ZCCHC8: variants seen among roughly 807,000 people sequenced by gnomAD.
ZCCHC8 encodes the protein zinc finger CCHC-type containing 8, also known as zinc finger CCHC domain-containing protein 8.
A neutral mutation model predicts 70.6 loss-of-function variants in ZCCHC8; 27 were observed. The ratio of observed to expected loss-of-function variants is 0.38; its 90% CI spans 0.28 to 0.53. The LOEUF (loss-of-function observed/expected upper bound fraction) is 0.53. Among genes scored for constraint, ZCCHC8 ranks in the 20% least tolerant of loss-of-function variants. The pLI, the probability that ZCCHC8 is intolerant of heterozygous loss-of-function variation, is 0.81. For synonymous variants in ZCCHC8, 293 were observed against 317.4 expected (o/e 0.92, Z 0.82); for missense variants, 737 against 876.9 (o/e 0.84, Z 2.01).
chr12:122,486,603 T>A (rs1409802981), intron 5 of ZCCHC8, among the ~76,000 whole-genome samples: 4 of 151,800 alleles, frequency 2.6e-5, no homozygotes, highest in Admixed American at 6.6e-5. Flanking sequence ...AGAGTCTCGC[T>A]CTGTTGCCCA....
intron 2 of ZCCHC8, among the ~76,000 whole-genome samples, chr12:122,493,757 C>T (rs112157824): frequency 3.3e-5 from 5 of 151,810 alleles, no homozygotes; most frequent in South Asian, 2.1e-4. Flanking sequence ...GGACTACAGG[C>T]GCCTGCGACC....
At chr12:122,498,893 A>C (rs766876722) in intron 1 of ZCCHC8, 24 bp from the exon 2 acceptor site, 2 of 1,605,890 alleles carry the variant, frequency 1.2e-6, no homozygotes, top group Non-Finnish European at 1.7e-6. Context: ...AAGGAAGATA[A>C]GCCCTCATTT....
Position 122,471,987 on chromosome 12 carries a change from GTATGTT to G in ZCCHC8, c.*1504_*1509del, listed in dbSNP as rs1049176959. 8.5e-5 allele frequency: 13 copies of G among 152,054 alleles called. No homozygotes were observed. The highest frequency in any genetic ancestry group is 1.3e-4 in the Non-Finnish European group (9 of 68,010). 9.4% of individuals were successfully genotyped at this position (152,054 alleles called of 1,614,324 possible). ...TATATATACCTGACAATTAAAAGCA[GTATGTT>G]TATGTTTAATTTTTAATTTTTAACT... On this transcript the variant is annotated 3_prime_UTR_variant, in exon 14 of 14. Transcript: ENST00000633063.
At chr12:122,487,541 G>GT (rs1957663776) in intron 5 of ZCCHC8, among the ~76,000 whole-genome samples, 1 of 151,638 alleles carries the variant, frequency 6.6e-6, no homozygotes, top group African/African-American at 2.4e-5. Flanking sequence ...CATTTCACTT[G>GT]TTTTTTTTCT....
rs548817084 is a variant in ZCCHC8, at chr12:122,495,740, C to T, written c.243-2951G>A. ...GTGTGCACCTGTAATCCCAGCTGCT[C>T]GGGAGGCTGAGGCAGGAGAATCACT... On this transcript the variant is annotated intron_variant, in intron 2 of 13. Coordinates refer to ENST00000633063, the MANE Select transcript of ZCCHC8 (RefSeq NM_017612.5). Among the ~76,000 whole-genome samples, 16 of 150,850 alleles carry T rather than the reference C, an allele frequency of 1.1e-4. No individual in the cohort carries two copies. The South Asian group carries it at 1.9e-3, about 18-fold the overall frequency.
intron 5 of ZCCHC8, among the ~76,000 whole-genome samples, chr12:122,487,826 C>A (rs1165177619): frequency 6.6e-6 from 1 of 151,992 alleles, no homozygotes; most frequent in Non-Finnish European, 1.5e-5. Flanking sequence ...ATATCTCTTT[C>A]TTTTTTATAT....
intron 4 of ZCCHC8, among the ~76,000 whole-genome samples, chr12:122,489,812 A>C (rs550526696): frequency 7.8e-4 from 119 of 152,308 alleles, no homozygotes; most frequent in African/African-American, 2.8e-3. Flanking sequence ...TTCAGTATGA[A>C]TTTTATTGTT....
At chr12:122,475,442 A>G (rs1411379181) in intron 13 of ZCCHC8, among the ~76,000 whole-genome samples, 1 of 152,192 alleles carries the variant, frequency 6.6e-6, no homozygotes, top group Non-Finnish European at 1.5e-5. Context: ...CCACAGATAC[A>G]ACCTGTCCAA....
At chr12:122,487,864 T>C (rs557344017) in intron 5 of ZCCHC8, among the ~76,000 whole-genome samples, 40 of 151,798 alleles carry the variant, frequency 2.6e-4, no homozygotes, top group Non-Finnish European at 5.3e-4. Flanking sequence ...CATACATATA[T>C]ATATATATTT....
chr12:122,474,395 A>T, intron 13 of ZCCHC8, 120 bp from the exon 14 acceptor site: 1 of 918,364 alleles, frequency 1.1e-6, no homozygotes. Flanking sequence ...CTGGCTTAAC[A>T]TGAGGGAAAT....
Position 122,483,063 on chromosome 12 carries a change from C to T in ZCCHC8, c.671+216G>A, listed in dbSNP as rs922511138. On this transcript the variant is annotated intron_variant, in intron 7 of 13. Transcript: ENST00000633063. The surrounding 1 kb of genome is among the most constrained non-coding windows in gnomAD (Gnocchi z 4.4). ...ATTGACAGCAACAATTATACCTTTC[C>T]ACCCACCCAGGCACATTAGGTGAGA... is the stretch of plus-strand genomic sequence containing the variant. 3.6e-6 allele frequency: 2 copies of T among 561,866 alleles called. No individual in the cohort carries two copies. Among genetic ancestry groups the T allele is most frequent in the Non-Finnish European group, 3.1e-6 (1 of 323,152 alleles). 34.8% of individuals were successfully genotyped at this position (561,866 alleles called of 1,614,324 possible). A position where few individuals can be genotyped will look rare whatever the true frequency, so the allele number is the denominator to read the frequency against.
In ZCCHC8 at chr12:122,500,912, G is replaced by A. The variant is rs565690149; in HGVS notation, c.-72C>T. ...GGCTTGGGGAAGAAGGTTGGAAGGC[G>A]GCACCACTCTCTAGAGCTCTGGCCG... On this transcript the variant is annotated 5_prime_UTR_variant, in exon 1 of 14. Transcript: ENST00000633063. The surrounding 1 kb of genome is among the most constrained non-coding windows in gnomAD (Gnocchi z 4.8). The A allele has an allele frequency of 1.1e-4, 165 of 1,487,550 alleles. 1 individual carries two copies. The African/African-American group carries it at 2.0e-3, about 18-fold the overall frequency. 92.1% of individuals were successfully genotyped at this position (1,487,550 alleles called of 1,614,324 possible). A position where few individuals can be genotyped will look rare whatever the true frequency, so the allele number is the denominator to read the frequency against.
Position 122,500,540 on chromosome 12 carries a change from C to T in ZCCHC8, c.199+102G>A. ...TGGAATTCTGGCCCTCCTGGAACTT[C>T]CGCCCGCGCCCTCGCCCTCGCCCGG... On this transcript the variant is annotated intron_variant, in intron 1 of 13. Transcript: ENST00000633063. The surrounding 1 kb of genome is among the most constrained non-coding windows in gnomAD (Gnocchi z 4.8). 7.3e-7 allele frequency: 1 copy of T among 1,367,116 alleles called. No homozygotes were observed. Among genetic ancestry groups the T allele is most frequent in the Non-Finnish European group, 9.7e-7 (1 of 1,034,688 alleles). The allele number at this position is 1,367,116 out of a possible 1,614,324, so 84.7% of individuals were successfully genotyped here. A position where few individuals can be genotyped will look rare whatever the true frequency, so the allele number is the denominator to read the frequency against.
chr12:122,474,143 G>A lies in ZCCHC8; in HGVS notation c.1478C>T (p.Pro493Leu), dbSNP rs373790085. Reference protein sequence around the residue: ...VFTPPLPKGTPPLTPSDSPQT... With the variant: ...VFTPPLPKGTLPLTPSDSPQT... The stretch of plus-strand genomic sequence containing the variant: ...GGGTGAGTCACTGGGAGTCAGCGGC[G>A]GGGTGCCCTTTGGGAGTGGAGGGGT... Residue 493 changes from proline to leucine, a missense_variant, in exon 14 of 14, where the codon CCG becomes CTG. Coordinates refer to ENST00000633063, the MANE Select transcript of ZCCHC8 (RefSeq NM_017612.5). 11 of 1,509,412 alleles carry A rather than the reference G, an allele frequency of 7.3e-6. No homozygotes were observed. The highest frequency in any genetic ancestry group is 2.3e-5 in the East Asian group (1 of 42,998). The allele number at this position is 1,509,412 out of a possible 1,614,324, so 93.5% of individuals were successfully genotyped here.
intron 4 of ZCCHC8, among the ~76,000 whole-genome samples, chr12:122,489,870 A>C (rs948940419): frequency 2.0e-5 from 3 of 152,142 alleles, no homozygotes; most frequent in African/African-American, 7.2e-5. Flanking sequence ...AGAATACATA[A>C]AAACCAAAGG....
Position 122,473,532 on chromosome 12 carries a change from G to A in ZCCHC8, c.2089C>T (p.Arg697Ter), listed in dbSNP as rs867562358. Residue 697 changes from arginine to a stop codon, truncating the protein, a stop_gained, in exon 14 of 14, where the codon CGA (arginine) becomes TGA (stop). Coordinates refer to ENST00000633063, the MANE Select transcript of ZCCHC8 (RefSeq NM_017612.5). LOFTEE classifies it high-confidence loss of function. The stretch of plus-strand genomic sequence containing the variant: ...GCCTTTTTGTTTTTCTGCTGGTTTC[G>A]GGGTGAGTTCTTTAACAAGCTTCTT... ...RIRSLLKNSP[R>*]NQQKNKKASE The A allele has an allele frequency of 3.1e-6, 5 of 1,613,822 alleles. No homozygotes were observed. Among genetic ancestry groups the A allele is most frequent in the South Asian group, 1.1e-5 (1 of 91,066 alleles).
At chr12:122,484,923 C>T (rs761013186) in intron 5 of ZCCHC8, among the ~76,000 whole-genome samples, 2 of 152,150 alleles carry the variant, frequency 1.3e-5, no homozygotes, top group South Asian at 2.1e-4. Context: ...CATGCTTCTC[C>T]GTTCTCTTCT....
chr12:122,477,848 G>T lies in ZCCHC8; in HGVS notation c.1338C>A (p.Leu446=). 1 of 1,605,678 alleles carries T rather than the reference G, an allele frequency of 6.2e-7. No individual in the cohort carries two copies. The highest frequency in any genetic ancestry group is 8.5e-7 in the Non-Finnish European group (1 of 1,173,784). Residue 446 remains leucine (L), a synonymous_variant, in exon 13 of 14, where the codon CTC becomes CTA. Transcript: ENST00000633063. ...CCATAGGATGAAACCTACCTGAATCGAGCTCCATGTCGGCGGGAGATCCCG... is the reference window on the plus strand; with the variant it reads ...CCATAGGATGAAACCTACCTGAATCTAGCTCCATGTCGGCGGGAGATCCCG... The part of the protein sequence containing the change: ...NSAGSPADME[L]DSDMEVPHGS...
intron 5 of ZCCHC8, among the ~76,000 whole-genome samples, chr12:122,486,155 C>G (rs1177216758): frequency 6.6e-6 from 1 of 152,092 alleles, no homozygotes; most frequent in African/African-American, 2.4e-5. Context: ...TGGCTCATGC[C>G]TGTAATCCTA....
Sources: allele counts gnomAD v4.1 joint callset (sites outside exome capture counted in the v4.1 genomes callset), GRCh38; gene constraint gnomAD v4.1.1; non-coding constraint Gnocchi (gnomAD v3.1); transcripts MANE v1.5; gene names NCBI Gene and HGNC (gene_info 2026-07-23, HGNC 2026-07-21).